Variants in NALF1 observed in about 807,000 individuals in gnomAD.
NALF1 encodes NALCN channel auxiliary factor 1.
In NALF1, 3 loss-of-function variants were observed where a neutral mutation model predicts 48.4. That is an observed-to-expected ratio of 0.06 (90% CI 0.03 to 0.16). The LOEUF is 0.16. Among genes scored for constraint, NALF1 ranks in the 10% least tolerant of loss-of-function variants. The pLI is 1.00. For missense variants in NALF1, 526 were observed against 571.5 expected, an observed-to-expected ratio of 0.92 and a Z score of 0.81; for synonymous variants, 262 against 245.7, an observed-to-expected ratio of 1.07 and a Z score of -0.62.
At chr13:107,265,402 T>A (rs958903468) in intron 1 of NALF1, among the ~76,000 whole-genome samples, 2 of 152,228 alleles carry the variant, frequency 1.3e-5, no homozygotes, top group African/African-American at 4.8e-5. Context: ...TTTTAAGGCA[T>A]GCTGTAGACT....
chr13:107,710,832 G>A (rs910236525), intron 1 of NALF1, among the ~76,000 whole-genome samples: 6 of 106,212 alleles, frequency 5.6e-5, no homozygotes, highest in Admixed American at 1.0e-4. Flanking sequence ...TACACATACA[G>A]AGACACGTAT....
chr13:107,311,859 A>G (rs1460997195), intron 1 of NALF1, among the ~76,000 whole-genome samples: 1 of 152,244 alleles, frequency 6.6e-6, no homozygotes, highest in African/African-American at 2.4e-5. Flanking sequence ...ATGCAAATCA[A>G]AACCACAATG....
intron 1 of NALF1, among the ~76,000 whole-genome samples, chr13:107,322,255 A>T (rs573754444): frequency 6.6e-6 from 1 of 152,176 alleles, no homozygotes; most frequent in Admixed American, 6.6e-5. Context: ...GCTCACCTAC[A>T]TGTAACGTGG....
intron 1 of NALF1, among the ~76,000 whole-genome samples, chr13:107,325,887 T>TATATATATACACACAC (rs752320518): frequency 1.0e-4 from 6 of 58,906 alleles, no homozygotes; most frequent in African/African-American, 3.1e-4. Flanking sequence ...TATATATATA[T>TATATATATACACACAC]ACACACACAC....
At chr13:107,798,864 G>A (rs930419177) in intron 1 of NALF1, among the ~76,000 whole-genome samples, 9 of 152,170 alleles carry the variant, frequency 5.9e-5, no homozygotes, top group African/African-American at 1.9e-4. Flanking sequence ...AGAACAAAAC[G>A]CAACTTTTTC....
intron 1 of NALF1, among the ~76,000 whole-genome samples, chr13:107,452,368 A>C (rs1884756247): frequency 6.6e-6 from 1 of 152,202 alleles, no homozygotes; most frequent in Non-Finnish European, 1.5e-5. Context: ...CAGGAAACTT[A>C]AAATCATGGT....
intron 1 of NALF1, among the ~76,000 whole-genome samples, chr13:107,809,104 T>C (rs1175772165): frequency 6.6e-6 from 1 of 151,874 alleles, no homozygotes; most frequent in Non-Finnish European, 1.5e-5. Flanking sequence ...GATTCAATTT[T>C]AAATAAGGTG....
chr13:107,383,141 A>G (rs1293363313), intron 1 of NALF1, among the ~76,000 whole-genome samples: 1 of 152,218 alleles, frequency 6.6e-6, no homozygotes, highest in Non-Finnish European at 1.5e-5. Flanking sequence ...TTTTTAGCAC[A>G]TGTTTGCAAG....
At chr13:107,713,966 G>A (rs765821032) in intron 1 of NALF1, among the ~76,000 whole-genome samples, 24 of 152,150 alleles carry the variant, frequency 1.6e-4, no homozygotes, top group Non-Finnish European at 3.4e-4. Flanking sequence ...ATAGATGAAG[G>A]AAAAGAAATA....
chr13:107,819,162 T>C (rs1223610715), intron 1 of NALF1, among the ~76,000 whole-genome samples: 1 of 149,478 alleles, frequency 6.7e-6, no homozygotes, highest in African/African-American at 2.5e-5. Context: ...TTGAAGATAG[T>C]AGGCTCTGAA....
At chr13:107,367,326 C>A (rs1883168920) in intron 1 of NALF1, among the ~76,000 whole-genome samples, 1 of 152,144 alleles carries the variant, frequency 6.6e-6, no homozygotes, top group Non-Finnish European at 1.5e-5. Context: ...GCCTGGGCAC[C>A]ACCAGCGGGC....
intron 1 of NALF1, among the ~76,000 whole-genome samples, chr13:107,737,638 T>G (rs1876504806): frequency 6.6e-6 from 1 of 152,308 alleles, no homozygotes; most frequent in South Asian, 2.1e-4. Flanking sequence ...TTACGTAGCT[T>G]CATTGCATAC....
At chr13:107,791,785 C>T (rs551626940) in intron 1 of NALF1, among the ~76,000 whole-genome samples, 8 of 151,044 alleles carry the variant, frequency 5.3e-5, no homozygotes, top group Non-Finnish European at 8.8e-5. Flanking sequence ...CCCCGCCCCC[C>T]CCCGTCTCTA....
At chr13:107,299,472 AAAT>A (rs1881796019) in intron 1 of NALF1, among the ~76,000 whole-genome samples, 8 of 30,064 alleles carry the variant, frequency 2.7e-4, no homozygotes, top group Admixed American at 8.1e-4. Flanking sequence ...TAATAATAAT[AAAT>A]AAATAAATAA....
Position 107,637,513 on chromosome 13 carries a change from T to C in NALF1, c.915+228169A>G, listed in dbSNP as rs184413145. Among the ~76,000 whole-genome samples, 4 of 152,286 alleles carry C rather than the reference T, an allele frequency of 2.6e-5. No homozygotes were observed. The East Asian group carries it at 7.7e-4, about 29-fold the overall frequency. The stretch of plus-strand genomic sequence containing the variant: ...ATCCCTGTGTAAACAGGCTTTAAAA[T>C]CTTATTTTCTTCCTTTAGTGAACAA... On this transcript the variant is annotated intron_variant, in intron 1 of 2. Transcript: ENST00000375915.
intron 1 of NALF1, among the ~76,000 whole-genome samples, chr13:107,716,346 T>C (rs894386965): frequency 6.6e-6 from 1 of 152,192 alleles, no homozygotes; most frequent in Admixed American, 6.5e-5. Flanking sequence ...GAGCATGTTT[T>C]GTTTCCCGGT....
chr13:107,338,532 A>G (rs768258900), intron 1 of NALF1, among the ~76,000 whole-genome samples: 34 of 152,212 alleles, frequency 2.2e-4, no homozygotes, highest in Admixed American at 4.6e-4. Flanking sequence ...TAATTGCCAC[A>G]TATATGACCT....
At chr13:107,331,756 A>G (rs953232597) in intron 1 of NALF1, among the ~76,000 whole-genome samples, 4 of 152,172 alleles carry the variant, frequency 2.6e-5, no homozygotes. Context: ...TCTTTCAAAT[A>G]AATTAGAGAA....
At chr13:107,747,683 TA>T (rs1233543779) in intron 1 of NALF1, among the ~76,000 whole-genome samples, 1 of 152,188 alleles carries the variant, frequency 6.6e-6, no homozygotes, top group African/African-American at 2.4e-5. Context: ...TTATGTCATG[TA>T]ATAGTCCTCT....
Sources: gnomAD v4.1 joint callset for allele counts (sites outside exome capture counted in the v4.1 genomes callset) on GRCh38, gnomAD v4.1.1 for gene constraint, MANE v1.5 for transcripts, NCBI Gene and HGNC (gene_info 2026-07-23, HGNC 2026-07-21) for gene names.